Variants in PKP1 observed in about 807,000 individuals in gnomAD.
PKP1 encodes the protein plakophilin-1.
PKP1 carries 27 observed loss-of-function variants against 76.4 expected under a neutral mutation model. That is an observed-to-expected ratio of 0.35 (90% CI 0.26 to 0.49). PKP1 has a LOEUF of 0.49. Among genes scored for constraint, PKP1 ranks in the 20% least tolerant of loss-of-function variants. PKP1 has a pLI of 0.99. For missense variants in PKP1, 964 were observed against 955.2 expected (o/e 1.01, Z -0.12); for synonymous variants, 404 against 384.2 (o/e 1.05, Z -0.60).
intron 5 of PKP1, 147 bp downstream of exon 5, chr1:201,317,926 T>A: frequency 1.2e-6 from 1 of 815,840 alleles, no homozygotes; most frequent in Non-Finnish European, 2.0e-6. Context: ...CCTGAGAGTT[T>A]AGTGACACTG....
intron 2 of PKP1, among the ~76,000 whole-genome samples, chr1:201,294,672 A>C (rs1490385151): frequency 1.3e-5 from 2 of 152,266 alleles, no homozygotes; most frequent in African/African-American, 4.8e-5. Flanking sequence ...GAACTAATGT[A>C]CATGAAAAAA....
intron 1 of PKP1, among the ~76,000 whole-genome samples, 185 bp downstream of exon 1, chr1:201,284,089 G>A (rs1655655577): frequency 6.8e-6 from 1 of 146,952 alleles, no homozygotes; most frequent in African/African-American, 2.7e-5. Context: ...TGGTGTAAAC[G>A]CGACCCGAGG....
intron 7 of PKP1, among the ~76,000 whole-genome samples, chr1:201,320,666 T>C (rs1158107032): frequency 6.6e-6 from 1 of 152,218 alleles, no homozygotes. Context: ...GTCATAATCA[T>C]ATCAACCTCA....
intron 2 of PKP1, among the ~76,000 whole-genome samples, chr1:201,309,686 C>T (rs1033152509): frequency 3.9e-5 from 6 of 152,178 alleles, no homozygotes; most frequent in African/African-American, 1.2e-4. Context: ...CTGCAGCGGG[C>T]GCACGTGCAC....
chr1:201,325,687 G>A lies in PKP1; in HGVS notation c.2022-67G>A, dbSNP rs1199613802. 3 of 1,208,758 alleles carry A rather than the reference G, an allele frequency of 2.5e-6. No homozygotes were observed. The East Asian group carries it at 7.0e-5, about 28-fold the overall frequency. The allele number at this position is 1,208,758 out of a possible 1,614,324, so 74.9% of individuals were successfully genotyped here. On this transcript the variant is annotated intron_variant, in intron 11 of 13. Coordinates refer to ENST00000367324, the MANE Select transcript of PKP1 (RefSeq NM_001005337.3). Reference sequence around the variant, plus strand: ...CAGGCCCTGGCAGTGGGGGTGGGAGGGAAGAGGGTGCTCCTTCTCACACCT... The same window carrying A: ...CAGGCCCTGGCAGTGGGGGTGGGAGAGAAGAGGGTGCTCCTTCTCACACCT...
In PKP1 at chr1:201,323,065, G is replaced by A. The variant is rs946700138; in HGVS notation, c.1556G>A (p.Ser519Asn). ...GAGGAAGAGACCAACCCCAAGGGCA[G>A]CGGCTGGTTGTACCATTCAGATGCC... ...LPEEETNPKGSGWLYHSDAIR... is the reference protein window; with the variant it reads ...LPEEETNPKGNGWLYHSDAIR... The change falls in exon 9 of 14, where the codon AGC (serine) becomes AAC (asparagine). Residue 519 changes from serine (S) to asparagine (N), a missense_variant. Coordinates refer to ENST00000367324, the MANE Select transcript of PKP1 (RefSeq NM_001005337.3). The A allele has an allele frequency of 6.2e-7, 1 of 1,614,182 alleles. No homozygotes were observed. The highest frequency in any genetic ancestry group is 8.5e-7 in the Non-Finnish European group (1 of 1,180,008).
intron 1 of PKP1, among the ~76,000 whole-genome samples, chr1:201,289,505 A>G (rs1398788179): frequency 1.3e-5 from 2 of 152,126 alleles, no homozygotes; most frequent in South Asian, 2.1e-4. Context: ...GGAAAGTGGA[A>G]AAAGCGGATT....
intron 2 of PKP1, among the ~76,000 whole-genome samples, chr1:201,300,663 C>T (rs1281025390): frequency 6.6e-6 from 1 of 152,220 alleles, no homozygotes. Context: ...CTCAGACCAC[C>T]TCCTTGTAAC....
At chr1:201,329,045 C>T (rs967314016) in intron 13 of PKP1, among the ~76,000 whole-genome samples, 177 bp downstream of exon 13, 2 of 152,288 alleles carry the variant, frequency 1.3e-5, no homozygotes, top group Admixed American at 6.5e-5. Context: ...TTGTCCCACC[C>T]TCAGGACGTT....
intron 6 of PKP1, 137 bp downstream of exon 6, chr1:201,318,932 A>G (rs1234403626): frequency 2.6e-6 from 2 of 780,774 alleles, no homozygotes; most frequent in Non-Finnish European, 4.4e-6. Context: ...GCAGGCTCCA[A>G]GACACAGGGA....
At chr1:201,316,342 T>G (rs1290161678) in intron 3 of PKP1, 3 of 583,678 alleles carry the variant, frequency 5.1e-6, no homozygotes, top group Non-Finnish European at 9.2e-6. Flanking sequence ...TATTCTCACA[T>G]GGGGCAAATC....
At chr1:201,328,699 T>A in intron 12 of PKP1, 63 bp from the exon 13 acceptor site, 1 of 1,465,400 alleles carries the variant, frequency 6.8e-7, no homozygotes, top group Non-Finnish European at 9.6e-7. Flanking sequence ...GTGGACAGTG[T>A]CTGACCCCAC....
chr1:201,298,427 G>T (rs1465144376), intron 2 of PKP1, among the ~76,000 whole-genome samples: 1 of 152,150 alleles, frequency 6.6e-6, no homozygotes, highest in Non-Finnish European at 1.5e-5. Flanking sequence ...GCTCCAAAGG[G>T]TTTACTTATT....
At chr1:201,312,576 C>T (rs184014309) in intron 2 of PKP1, among the ~76,000 whole-genome samples, 3 of 152,318 alleles carry the variant, frequency 2.0e-5, no homozygotes, top group East Asian at 1.9e-4. Context: ...CCTCAGGTGC[C>T]GACAGCACCC....
intron 1 of PKP1, among the ~76,000 whole-genome samples, chr1:201,288,216 A>C (rs1469973215): frequency 6.6e-6 from 1 of 152,182 alleles, no homozygotes; most frequent in African/African-American, 2.4e-5. Flanking sequence ...AGTGCTTTGC[A>C]ATGGGAACAC....
At position 201,293,951 on chromosome 1, in the gene PKP1, A is replaced by T. The variant is rs751318467; in HGVS notation, c.212A>T (p.Tyr71Phe). Residue 71 changes from tyrosine to phenylalanine, a missense_variant, in exon 2 of 14, where the codon TAT becomes TTT. Transcript: ENST00000367324. Reference protein sequence around the residue: ...TLSHSNRGSMYDGLADNYNYG... With the variant: ...TLSHSNRGSMFDGLADNYNYG... ...CTCCTTTCTCCTCTAGGTTCCATGT[A>T]TGATGGCTTGGCTGACAATTACAAC... 1 of 1,611,994 alleles carries T rather than the reference A, an allele frequency of 6.2e-7. No individual in the cohort carries two copies. Among genetic ancestry groups the T allele is most frequent in the Non-Finnish European group, 8.5e-7 (1 of 1,178,360 alleles).
At chr1:201,304,631 A>G (rs995671982) in intron 2 of PKP1, among the ~76,000 whole-genome samples, 3 of 152,250 alleles carry the variant, frequency 2.0e-5, no homozygotes, top group Non-Finnish European at 4.4e-5. Flanking sequence ...TCCTGTGTCT[A>G]GAACCACTGG....
Position 201,293,944 on chromosome 1 carries a change from T to A in PKP1, c.205T>A (p.Ser69Thr). The A allele has an allele frequency of 6.2e-7, 1 of 1,608,670 alleles. No individual in the cohort carries two copies. Among genetic ancestry groups the A allele is most frequent in the Non-Finnish European group, 8.5e-7 (1 of 1,175,646 alleles). Residue 69 changes from serine to threonine, a missense_variant and splice_region_variant, in exon 2 of 14, where the codon TCC becomes ACC. Ser to Thr is a moderately conservative substitution (Grantham distance 58). Coordinates refer to ENST00000367324, the MANE Select transcript of PKP1 (RefSeq NM_001005337.3). ...TAATCCCCTCCTTTCTCCTCTAGGTTCCATGTATGATGGCTTGGCTGACAA... is the reference window on the plus strand; with the variant it reads ...TAATCCCCTCCTTTCTCCTCTAGGTACCATGTATGATGGCTTGGCTGACAA... The part of the protein sequence containing the change: ...SSTLSHSNRG[S>T]MYDGLADNYN...
At chr1:201,299,962 G>A (rs1656176911) in intron 2 of PKP1, among the ~76,000 whole-genome samples, 1 of 152,254 alleles carries the variant, frequency 6.6e-6, no homozygotes, top group African/African-American at 2.4e-5. Context: ...ACTGATAGTA[G>A]ACCACAGCCT....
Sources: gnomAD v4.1 joint callset for allele counts (sites outside exome capture counted in the v4.1 genomes callset) on GRCh38, gnomAD v4.1.1 for gene constraint, MANE v1.5 for transcripts, NCBI Gene and HGNC (gene_info 2026-07-23, HGNC 2026-07-21) for gene names.